The following EFNB2 variants were observed in gnomAD, a reference collection of about 807,000 sequenced individuals.
EFNB2 encodes ephrin B2.
Under a neutral mutation model 32.1 loss-of-function variants are expected in EFNB2, and 5 were observed. The ratio of observed to expected loss-of-function variants is 0.16; its 90% CI spans 0.08 to 0.33. The LOEUF is 0.33. Among genes scored for constraint, EFNB2 ranks in the 10% least tolerant of loss-of-function variants. The pLI is 1.00. For synonymous variants in EFNB2, 168 were observed against 166.5 expected (o/e 1.01, Z -0.07); for missense variants, 263 against 422.6 (o/e 0.62, Z 3.31).
At chr13:106,505,825 G>C (rs1878931373) in intron 2 of EFNB2, among the ~76,000 whole-genome samples, 1 of 152,144 alleles carries the variant, frequency 6.6e-6, no homozygotes, top group African/African-American at 2.4e-5. Flanking sequence ...ATGAAATAAT[G>C]AAGGCAGTTT....
At chr13:106,494,213 A>G (rs2138897546) in intron 4 of EFNB2, among the ~76,000 whole-genome samples, 1 of 152,358 alleles carries the variant, frequency 6.6e-6, no homozygotes, top group South Asian at 2.1e-4. Context: ...AAGCAAGCAC[A>G]CAACAATCCT....
rs925705363 is a variant in EFNB2 at position 106,491,908 on chromosome 13, T to C, written c.*1132A>G. ...TGTGTTTAATAAAATGTGATAAGTA[T>C]AGCAGCTGAGTCTGCTTAAAAAATC... On this transcript the variant is annotated 3_prime_UTR_variant, in exon 5 of 5. Transcript: ENST00000646441. 1 of 152,674 alleles carries C rather than the reference T, an allele frequency of 6.5e-6. No homozygotes were observed. The allele number at this position is 152,674 out of a possible 1,614,324, so 9.5% of individuals were successfully genotyped here.
At chr13:106,508,152 G>A (rs527691261) in intron 2 of EFNB2, among the ~76,000 whole-genome samples, 2 of 152,248 alleles carry the variant, frequency 1.3e-5, no homozygotes, top group African/African-American at 4.8e-5. Context: ...CAAACCTGCT[G>A]ACTCATTCAG....
chr13:106,519,696 A>T (rs971197240), intron 1 of EFNB2: 3 of 152,162 alleles, frequency 2.0e-5, no homozygotes, highest in Non-Finnish European at 1.5e-5. Context: ...GGTCACACAC[A>T]CCGCCTTTAC....
intron 1 of EFNB2, among the ~76,000 whole-genome samples, chr13:106,523,796 T>G (rs915258547): frequency 2.0e-5 from 3 of 151,844 alleles, no homozygotes; most frequent in Non-Finnish European, 4.4e-5. Context: ...TTGAGTCTTC[T>G]CAGCTCTGAC....
intron 1 of EFNB2, among the ~76,000 whole-genome samples, chr13:106,514,326 G>T (rs1879244587): frequency 6.6e-6 from 1 of 152,132 alleles, no homozygotes; most frequent in Non-Finnish European, 1.5e-5. Flanking sequence ...TTTGACAAAT[G>T]CAAATCACAG....
chr13:106,511,026 T>A (rs1879127497), intron 2 of EFNB2, among the ~76,000 whole-genome samples: 1 of 152,048 alleles, frequency 6.6e-6, no homozygotes, highest in Admixed American at 6.6e-5. Context: ...AATAAAAAAA[T>A]AAAGTCTTTA....
At chr13:106,501,218 G>A (rs954160156) in intron 2 of EFNB2, among the ~76,000 whole-genome samples, 1 of 152,148 alleles carries the variant, frequency 6.6e-6, no homozygotes, top group Non-Finnish European at 1.5e-5. Context: ...ACATGGAAAT[G>A]ATAGTGTTCA....
rs1268039720 is a variant in EFNB2 at position 106,490,237 on chromosome 13, C to T, written c.*2803G>A. The stretch of plus-strand genomic sequence containing the variant: ...ATTTTTATTAAAAAGGTGAATAAGG[C>T]TACTGTAACACCCCAAATCCATAGA... On this transcript the variant is annotated 3_prime_UTR_variant, in exon 5 of 5. Coordinates refer to ENST00000646441, the MANE Select transcript of EFNB2 (RefSeq NM_004093.4). The T allele has an allele frequency of 6.6e-6, 1 of 152,308 alleles. No individual in the cohort carries two copies. The highest frequency in any genetic ancestry group is 1.5e-5 in the Non-Finnish European group (1 of 68,016). 9.4% of individuals were successfully genotyped at this position (152,308 alleles called of 1,614,324 possible).
At chr13:106,519,336 T>G (rs909936115) in intron 1 of EFNB2, 2 of 152,166 alleles carry the variant, frequency 1.3e-5, no homozygotes, top group Non-Finnish European at 2.9e-5. Context: ...GCAGTTATCA[T>G]GCACTTGAGA....
intron 2 of EFNB2, among the ~76,000 whole-genome samples, chr13:106,501,750 A>G (rs755104264): frequency 3.2e-4 from 48 of 151,450 alleles, no homozygotes; most frequent in Non-Finnish European, 5.5e-4. Flanking sequence ...CCGCCACCAC[A>G]CCCGGCTCAT....
At chr13:106,513,692 A>C (rs1438550791) in intron 1 of EFNB2, among the ~76,000 whole-genome samples, 2 of 152,196 alleles carry the variant, frequency 1.3e-5, no homozygotes, top group Admixed American at 1.3e-4. Context: ...TGAAAAACTG[A>C]AACAAGAACT....
intron 2 of EFNB2, among the ~76,000 whole-genome samples, chr13:106,502,308 T>C (rs563208498): frequency 3.9e-5 from 6 of 152,342 alleles, no homozygotes; most frequent in South Asian, 4.1e-4. Context: ...TTTGCCAGCA[T>C]TGAAATATGA....
intron 2 of EFNB2, among the ~76,000 whole-genome samples, chr13:106,507,146 A>G (rs1878979322): frequency 6.6e-6 from 1 of 152,212 alleles, no homozygotes; most frequent in African/African-American, 2.4e-5. Context: ...CCCCTCAATC[A>G]GAGGACCCAA....
chr13:106,512,788 T>G lies in EFNB2; in HGVS notation c.147A>C (p.Val49=), dbSNP rs1879184027. The change falls in exon 2 of 5, where the codon GTA becomes GTC. Residue 49 remains valine, a synonymous_variant. Coordinates refer to ENST00000646441, the MANE Select transcript of EFNB2 (RefSeq NM_004093.4). ...NSKFLPGQGL[V]LYPQIGDKLD... The stretch of plus-strand genomic sequence containing the variant: ...ATTTGTCTCCTATCTGTGGGTATAG[T>G]ACCAGTCCTTGTCCAGGTAGAAATC... The G allele has an allele frequency of 6.2e-7, 1 of 1,601,164 alleles. No individual in the cohort carries two copies. Among genetic ancestry groups the G allele is most frequent in the Admixed American group, 1.7e-5 (1 of 59,426 alleles).
Position 106,534,838 on chromosome 13 carries a change from C to T in EFNB2, c.122+5G>A. 6.2e-7 allele frequency: 1 copy of T among 1,610,494 alleles called. No individual in the cohort carries two copies. Among genetic ancestry groups the T allele is most frequent in the Non-Finnish European group, 8.5e-7 (1 of 1,178,424 alleles). ...GGACATAGGGGGATCGCGGACGCCA[C>T]TTACTTGGAGTTCGAGGAATTCCAA... On this transcript the variant is annotated splice_donor_5th_base_variant and intron_variant, in intron 1 of 4. Coordinates refer to ENST00000646441, the MANE Select transcript of EFNB2 (RefSeq NM_004093.4).
chr13:106,502,798 C>G (rs1236355876), intron 2 of EFNB2, among the ~76,000 whole-genome samples: 1 of 152,080 alleles, frequency 6.6e-6, no homozygotes, highest in African/African-American at 2.4e-5. Flanking sequence ...ACTATACAGA[C>G]CTGGAAAGCT....
intron 3 of EFNB2, 120 bp downstream of exon 3, chr13:106,495,628 G>T: frequency 1.1e-6 from 1 of 936,524 alleles, no homozygotes; most frequent in Non-Finnish European, 1.6e-6. Context: ...GTGCAGAAGG[G>T]TTTGCTTTGA....
chr13:106,515,883 A>C (rs1879295680), intron 1 of EFNB2, among the ~76,000 whole-genome samples: 1 of 152,204 alleles, frequency 6.6e-6, no homozygotes, highest in South Asian at 2.1e-4. Flanking sequence ...TAACAACTCA[A>C]GTAACCTATG....
Sources: allele counts gnomAD v4.1 joint callset (sites outside exome capture counted in the v4.1 genomes callset), GRCh38; gene constraint gnomAD v4.1.1; transcripts MANE v1.5; gene names NCBI Gene and HGNC (gene_info 2026-07-23, HGNC 2026-07-21).